Variants in COL22A1 observed in about 807,000 individuals in gnomAD.
COL22A1 encodes the protein collagen type XXII alpha 1 chain.
COL22A1 carries 221 observed loss-of-function variants against 248.9 expected under a neutral mutation model. The ratio of observed to expected loss-of-function variants is 0.89; its 90% CI spans 0.80 to 0.99. COL22A1 has a LOEUF of 0.99. Ranked by LOEUF, COL22A1 falls within the 50% of genes least tolerant of loss-of-function variation. The pLI, the probability that COL22A1 is intolerant of heterozygous loss-of-function variation, is 0.00. For synonymous variants in COL22A1, 891 were observed against 793.4 expected, an observed-to-expected ratio of 1.12 and a Z score of -2.07; for missense variants, 2,240 against 2,179.0, an observed-to-expected ratio of 1.03 and a Z score of -0.56.
chr8:138,623,550 A>G (rs887808238), intron 52 of COL22A1, among the ~76,000 whole-genome samples, 182 bp downstream of exon 52: 4 of 152,096 alleles, frequency 2.6e-5, no homozygotes, highest in Non-Finnish European at 4.4e-5. Flanking sequence ...CCCGAGGCCC[A>G]GGTTTCTTCT....
At chr8:138,857,677 G>C (rs949535258) in intron 3 of COL22A1, among the ~76,000 whole-genome samples, 1 of 152,226 alleles carries the variant, frequency 6.6e-6, no homozygotes, top group Non-Finnish European at 1.5e-5. Context: ...GGTCAACTGG[G>C]AACAGCGGTT....
At chr8:138,624,389 A>G (rs1351793210) in intron 51 of COL22A1, among the ~76,000 whole-genome samples, 1 of 152,124 alleles carries the variant, frequency 6.6e-6, no homozygotes, top group Non-Finnish European at 1.5e-5. Context: ...GGGAAGTAAC[A>G]GGGCCCAGTC....
intron 20 of COL22A1, 81 bp downstream of exon 20, chr8:138,755,401 C>A (rs1347743797): frequency 2.0e-6 from 3 of 1,471,296 alleles, no homozygotes; most frequent in East Asian, 4.5e-5. Flanking sequence ...CATCTGAGTT[C>A]AGCCTGAGAT....
At chr8:138,837,337 G>A (rs531742205) in intron 4 of COL22A1, among the ~76,000 whole-genome samples, 7 of 152,294 alleles carry the variant, frequency 4.6e-5, no homozygotes, top group Non-Finnish European at 1.0e-4. Context: ...GGGAGTCCCC[G>A]AGAGATCCCA....
At chr8:138,636,681 A>C (rs1821206785) in intron 48 of COL22A1, 61 bp downstream of exon 48, 1 of 1,229,804 alleles carries the variant, frequency 8.1e-7, no homozygotes, top group Admixed American at 1.8e-5. Context: ...AATGGAAGCC[A>C]CCTGGGAGAA....
At chr8:138,873,007 T>A (rs1823456655) in intron 3 of COL22A1, among the ~76,000 whole-genome samples, 1 of 152,234 alleles carries the variant, frequency 6.6e-6, no homozygotes, top group Admixed American at 6.5e-5. Context: ...CCACCAGGTA[T>A]GAGCCACATC....
At chr8:138,638,772 T>G (rs1353638846) in intron 47 of COL22A1, among the ~76,000 whole-genome samples, 1 of 152,226 alleles carries the variant, frequency 6.6e-6, no homozygotes, top group East Asian at 1.9e-4. Flanking sequence ...TGACACAGAT[T>G]AGCCCACTGC....
intron 30 of COL22A1, among the ~76,000 whole-genome samples, chr8:138,703,678 T>C (rs1387545695): frequency 1.3e-5 from 2 of 152,178 alleles, no homozygotes; most frequent in African/African-American, 4.8e-5. Context: ...GGTGGCTGAA[T>C]AGGAACAGCT....
At chr8:138,706,435 G>C (rs907188435) in intron 30 of COL22A1, among the ~76,000 whole-genome samples, 1 of 152,130 alleles carries the variant, frequency 6.6e-6, no homozygotes, top group African/African-American at 2.4e-5. Context: ...ATAACAAACT[G>C]TCTCTCAGAC....
At position 138,619,213 on chromosome 8, in the gene COL22A1, T is replaced by C. The variant is rs112420600; in HGVS notation, c.3825+242A>G. Among the ~76,000 whole-genome samples, 195 of 152,304 alleles carry C rather than the reference T, an allele frequency of 1.3e-3. 1 individual carries two copies. Among genetic ancestry groups the C allele is most frequent in the African/African-American group, 4.5e-3 (189 of 41,564 alleles). On this transcript the variant is annotated intron_variant, in intron 53 of 64. Transcript: ENST00000303045. The stretch of plus-strand genomic sequence containing the variant: ...GAAAACCCATTGAAATTATAATGAA[T>C]CAGATGAGAACATAGAAAACTTTGA...
At chr8:138,846,289 G>A (rs1054105442) in intron 3 of COL22A1, among the ~76,000 whole-genome samples, 1 of 152,132 alleles carries the variant, frequency 6.6e-6, no homozygotes, top group East Asian at 1.9e-4. Flanking sequence ...AATTTAAGAC[G>A]AGTTGACTCA....
chr8:138,875,727 A>G (rs185804253), intron 3 of COL22A1, among the ~76,000 whole-genome samples: 1 of 152,134 alleles, frequency 6.6e-6, no homozygotes, highest in East Asian at 1.9e-4. Flanking sequence ...CAGGCCTACA[A>G]CTGAGGGCCC....
intron 30 of COL22A1, among the ~76,000 whole-genome samples, chr8:138,707,521 A>G (rs950469079): frequency 3.9e-5 from 6 of 152,340 alleles, no homozygotes; most frequent in South Asian, 4.1e-4. Flanking sequence ...TATAAACAGA[A>G]CCAAAGACAA....
At chr8:138,694,182 G>A (rs973236023) in intron 34 of COL22A1, among the ~76,000 whole-genome samples, 7 of 152,240 alleles carry the variant, frequency 4.6e-5, no homozygotes, top group Non-Finnish European at 7.3e-5. Flanking sequence ...GAACCAAGGT[G>A]CCCCCTATGT....
intron 3 of COL22A1, among the ~76,000 whole-genome samples, chr8:138,866,434 T>C (rs1229292536): frequency 6.6e-6 from 1 of 152,256 alleles, no homozygotes; most frequent in Non-Finnish European, 1.5e-5. Flanking sequence ...TATGTCCTTT[T>C]ACAACTATCT....
chr8:138,702,785 G>T (rs372771703), intron 31 of COL22A1, among the ~76,000 whole-genome samples: 12 of 152,184 alleles, frequency 7.9e-5, no homozygotes, highest in African/African-American at 2.7e-4. Flanking sequence ...AGATAGCTGG[G>T]TATAATATTT....
At chr8:138,856,824 C>T (rs1403347699) in intron 3 of COL22A1, among the ~76,000 whole-genome samples, 2 of 152,192 alleles carry the variant, frequency 1.3e-5, no homozygotes, top group African/African-American at 4.8e-5. Context: ...GGCATACTGC[C>T]AGTGACACAT....
At chr8:138,762,862 C>T (rs565098307) in intron 16 of COL22A1, among the ~76,000 whole-genome samples, 11 of 152,302 alleles carry the variant, frequency 7.2e-5, no homozygotes, top group East Asian at 1.9e-4. Flanking sequence ...CCCGTAAACA[C>T]GTGTGAACAT....
intron 1 of COL22A1, among the ~76,000 whole-genome samples, chr8:138,883,719 TATTCG>T (rs2132074972): frequency 6.6e-6 from 1 of 151,192 alleles, no homozygotes; most frequent in African/African-American, 2.4e-5. Context: ...CTCTCTCACA[TATTCG>T]CTCTCCTGCC....
Sources: gnomAD v4.1 joint callset for allele counts (sites outside exome capture counted in the v4.1 genomes callset) on GRCh38, gnomAD v4.1.1 for gene constraint, MANE v1.5 for transcripts, NCBI Gene and HGNC (gene_info 2026-07-23, HGNC 2026-07-21) for gene names.